TJP2: variants seen among roughly 807,000 people sequenced by gnomAD.
TJP2 encodes Friedreich ataxia region gene X104 (tight junction protein ZO-2).
In TJP2, 91 loss-of-function variants were observed where a neutral mutation model predicts 133.1. That is an observed-to-expected ratio of 0.68 (90% CI 0.58 to 0.81). The LOEUF (loss-of-function observed/expected upper bound fraction) is 0.81, where lower values mean the gene tolerates loss of function less well. Ranked by LOEUF, TJP2 falls within the 40% of genes least tolerant of loss-of-function variation. TJP2 has a pLI of 0.00. For synonymous variants in TJP2, 592 were observed against 583.4 expected, an observed-to-expected ratio of 1.01 and a Z score of -0.21; for missense variants, 1,541 against 1,565.6, an observed-to-expected ratio of 0.98 and a Z score of 0.26.
At chr9:69,238,055 C>G (rs73450891) in intron 15 of TJP2, 82 bp downstream of exon 15, 13 of 929,960 alleles carry the variant, frequency 1.4e-5, no homozygotes, top group Admixed American at 1.9e-5. Flanking sequence ...ATCATGAACA[C>G]CCACGTACCC....
intron 12 of TJP2, 27 bp downstream of exon 12, chr9:69,234,574 G>C: frequency 1.2e-6 from 1 of 833,342 alleles, no homozygotes; most frequent in Non-Finnish European, 1.9e-6. Context: ...ATTTAGTTTA[G>C]TTGGGGTGGG....
chr9:69,249,225 G>A, intron 19 of TJP2, 150 bp from the exon 20 acceptor site: 1 of 1,468,338 alleles, frequency 6.8e-7, no homozygotes, highest in Non-Finnish European at 9.0e-7. Context: ...AGCATTTGGT[G>A]ATGGTTTCTG....
intron 1 of TJP2, among the ~76,000 whole-genome samples, chr9:69,138,354 G>A (rs7875573): frequency 0.91 from 137,957 of 152,096 alleles, 62,688 homozygotes; most frequent in East Asian, 1. Context: ...TTCCCAGCTG[G>A]TTTGCTATAA....
intron 5 of TJP2, among the ~76,000 whole-genome samples, chr9:69,224,793 T>C (rs76684789): frequency 6.6e-6 from 1 of 152,214 alleles, no homozygotes; most frequent in East Asian, 1.9e-4. Context: ...CCTTTTTTTT[T>C]CTTTCCTTCT....
intron 1 of TJP2, among the ~76,000 whole-genome samples, chr9:69,188,960 G>A (rs981081684): frequency 1.4e-4 from 21 of 152,164 alleles, no homozygotes; most frequent in African/African-American, 5.1e-4. Flanking sequence ...TTGGGAGCTT[G>A]CCTTGAGGAT....
At chr9:69,206,498 A>T (rs1018415254) in intron 1 of TJP2, among the ~76,000 whole-genome samples, 1 of 152,086 alleles carries the variant, frequency 6.6e-6, no homozygotes, top group African/African-American at 2.4e-5. Context: ...TGGGTATTAG[A>T]TCCTTCACCA....
intron 1 of TJP2, among the ~76,000 whole-genome samples, chr9:69,176,505 TG>T: frequency 6.6e-6 from 1 of 152,166 alleles, no homozygotes; most frequent in Admixed American, 6.5e-5. Context: ...AAGCTTTGGG[TG>T]GGGGGAAGTC....
At chr9:69,190,426 A>G (rs1341930592) in intron 1 of TJP2, among the ~76,000 whole-genome samples, 2 of 152,240 alleles carry the variant, frequency 1.3e-5, no homozygotes, top group African/African-American at 4.8e-5. Flanking sequence ...TAGTTTAGGT[A>G]AAAATATAAC....
intron 1 of TJP2, among the ~76,000 whole-genome samples, chr9:69,122,457 G>A (rs543958049): frequency 6.6e-6 from 1 of 152,344 alleles, no homozygotes; most frequent in African/African-American, 2.4e-5. Flanking sequence ...ACGCGGCAGA[G>A]ACTTAGAAAA....
rs192828522 is a variant in TJP2 at position 69,158,982 on chromosome 9, G to T, written c.-10+7211G>T. Among the ~76,000 whole-genome samples, 3 of 144,372 alleles carry T rather than the reference G, an allele frequency of 2.1e-5. No individual in the cohort carries two copies. In the Admixed American group the frequency reaches 2.1e-4, roughly 10 times the overall value. 94.7% of individuals were successfully genotyped at this position (144,372 alleles called of 152,430 possible). A position where few individuals can be genotyped will look rare whatever the true frequency, so the allele number is the denominator to read the frequency against. ...GCAATCCCCTTGGGCAGGATTCACC[G>T]CCCCCCCCCCATCAAAATTATTTGA... On this transcript the variant is annotated intron_variant, in intron 2 of 5. Coordinates refer to the TJP2 transcript ENST00000423935.
At chr9:69,185,913 A>G (rs1466826320) in intron 1 of TJP2, among the ~76,000 whole-genome samples, 10 of 136,860 alleles carry the variant, frequency 7.3e-5, no homozygotes, top group Non-Finnish European at 7.7e-5. Context: ...TTGGAGACGG[A>G]GTCTCGGTTG....
rs1224617456 is a variant in TJP2 at position 69,124,526 on chromosome 9, C to T, written c.-131+2801C>T. ...CGCTATTTTTTCTTGACCCTTGCCTCTTCTTGTGTTACGACTTTCATCACA... is the reference window on the plus strand; with the variant it reads ...CGCTATTTTTTCTTGACCCTTGCCTTTTCTTGTGTTACGACTTTCATCACA... On this transcript the variant is annotated intron_variant, in intron 1 of 5. Coordinates refer to the TJP2 transcript ENST00000423935. Among the ~76,000 whole-genome samples, 20 of 76,668 alleles carry T rather than the reference C, an allele frequency of 2.6e-4. 8 individuals carry two copies. Among genetic ancestry groups the T allele is most frequent in the African/African-American group, 7.2e-4 (18 of 24,936 alleles). 50.3% of individuals were successfully genotyped at this position (76,668 alleles called of 152,430 possible). A position where few individuals can be genotyped will look rare whatever the true frequency, so the allele number is the denominator to read the frequency against.
chr9:69,205,370 T>A, intron 1 of TJP2: 1 of 1,486,142 alleles, frequency 6.7e-7, no homozygotes, highest in East Asian at 2.5e-5. Context: ...AGCAACAAAT[T>A]GTGAGATTGT....
chr9:69,174,552 G>A (rs1824918914), intron 1 of TJP2, 120 bp downstream of exon 1: 7 of 1,222,958 alleles, frequency 5.7e-6, no homozygotes, highest in Non-Finnish European at 2.3e-6. Flanking sequence ...TAGGAAGCTG[G>A]GATTCTCCCA....
chr9:69,210,800 TC>T (rs1159784008), intron 1 of TJP2, among the ~76,000 whole-genome samples: 7 of 149,530 alleles, frequency 4.7e-5, no homozygotes, highest in Non-Finnish European at 8.9e-5. Flanking sequence ...ACTATGTTGC[TC>T]AGGTTGGTCG....
intron 17 of TJP2, among the ~76,000 whole-genome samples, chr9:69,243,868 C>A (rs1167130234): frequency 6.6e-6 from 1 of 152,002 alleles, no homozygotes; most frequent in African/African-American, 2.4e-5. Flanking sequence ...GACTTAGATA[C>A]CATATAATCC....
chr9:69,218,717 T>C (rs541872687), intron 4 of TJP2, among the ~76,000 whole-genome samples: 1 of 152,330 alleles, frequency 6.6e-6, no homozygotes, highest in African/African-American at 2.4e-5. Flanking sequence ...GCAAGGTATA[T>C]TATATCTTCA....
intron 1 of TJP2, among the ~76,000 whole-genome samples, chr9:69,206,826 C>T (rs759623205): frequency 1.4e-4 from 21 of 152,196 alleles, no homozygotes; most frequent in Non-Finnish European, 2.9e-4. Context: ...ATCCACCCGC[C>T]TCGGCCTCCC....
intron 1 of TJP2, among the ~76,000 whole-genome samples, chr9:69,146,150 A>G (rs893869478): frequency 1.1e-4 from 17 of 152,256 alleles, no homozygotes; most frequent in Admixed American, 1.0e-3. Context: ...TGAAGAAAAT[A>G]TGCCTTATTA....
Sources: gnomAD v4.1 joint callset for allele counts (sites outside exome capture counted in the v4.1 genomes callset) on GRCh38, gnomAD v4.1.1 for gene constraint, MANE v1.5 for transcripts, NCBI Gene and HGNC (gene_info 2026-07-23, HGNC 2026-07-21) for gene names.